Variants in ABCA4 observed in about 807,000 individuals in gnomAD.
ABCA4 encodes the protein ATP binding cassette subfamily A member 4, also known as retinal-specific phospholipid-transporting ATPase ABCA4.
A neutral mutation model predicts 263.7 loss-of-function variants in ABCA4; 196 were observed. The observed-to-expected ratio is 0.74, with a 90% CI of 0.66 to 0.84. The LOEUF is 0.84. Ranked by LOEUF, ABCA4 falls within the 40% of genes least tolerant of loss-of-function variation. The pLI, the probability that ABCA4 is intolerant of heterozygous loss-of-function variation, is 0.00. For synonymous variants in ABCA4, 1,133 were observed against 1,094.2 expected (o/e 1.04, Z -0.70); for missense variants, 2,792 against 2,855.1 (o/e 0.98, Z 0.50).
intron 9 of ABCA4, 43 bp downstream of exon 9, chr1:94,079,279 G>A (rs779767257): frequency 1.2e-6 from 2 of 1,604,528 alleles, no homozygotes; most frequent in East Asian, 2.2e-5. Context: ...ACACACTTCT[G>A]GGAGGTCCAG....
At chr1:94,019,375 C>T in intron 36 of ABCA4, 1 of 599,960 alleles carries the variant, frequency 1.7e-6, no homozygotes, top group Non-Finnish European at 2.9e-6. Context: ...CTGCACCCCA[C>T]AGCCTTTCCT....
chr1:94,057,088 C>T (rs946695229), intron 14 of ABCA4, among the ~76,000 whole-genome samples: 2 of 152,122 alleles, frequency 1.3e-5, no homozygotes, highest in Non-Finnish European at 2.9e-5. Context: ...GTTCCTACAT[C>T]AGCAAACCAA....
rs756091695 is a variant in ABCA4 at position 94,031,085 on chromosome 1, C to T, written c.4164G>A (p.Leu1388=). ...VLPATFVFLA[L]MLSIVIPPFG... ...AAGGAGGGATAACAATAGAAAGCAT[C>T]AGAGCCAAAAACACAAAGGTAGCCG... Residue 1388 remains leucine, a synonymous_variant, in exon 28 of 50, where the codon CTG becomes CTA. Coordinates refer to ENST00000370225, the MANE Select transcript of ABCA4 (RefSeq NM_000350.3). The T allele has an allele frequency of 1.2e-6, 2 of 1,614,118 alleles. No homozygotes were observed. The highest frequency in any genetic ancestry group is 4.5e-5 in the East Asian group (2 of 44,888).
At chr1:94,078,365 G>A (rs1283187279) in intron 10 of ABCA4, among the ~76,000 whole-genome samples, 2 of 152,148 alleles carry the variant, frequency 1.3e-5, no homozygotes, top group East Asian at 3.8e-4. Flanking sequence ...TGGTCTTGTG[G>A]CAGCTTTTAG....
chr1:94,113,367 A>T (rs764224557), intron 1 of ABCA4, among the ~76,000 whole-genome samples: 18 of 152,258 alleles, frequency 1.2e-4, no homozygotes, highest in Non-Finnish European at 5.9e-5. Flanking sequence ...AGTGCATTTT[A>T]GCTGTCACTA....
chr1:94,095,852 G>A (rs535239076), intron 6 of ABCA4, among the ~76,000 whole-genome samples: 3 of 150,940 alleles, frequency 2.0e-5, no homozygotes, highest in South Asian at 4.2e-4. Flanking sequence ...TCCTGCTTCG[G>A]TTGGATCTTT....
intron 3 of ABCA4, among the ~76,000 whole-genome samples, chr1:94,111,113 T>G (rs578184800): frequency 6.6e-6 from 1 of 152,308 alleles, no homozygotes; most frequent in East Asian, 1.9e-4. Flanking sequence ...CTACAATGAT[T>G]CACTCCACCC....
intron 11 of ABCA4, among the ~76,000 whole-genome samples, chr1:94,073,047 C>A (rs1211698794): frequency 1.3e-5 from 2 of 152,148 alleles, no homozygotes; most frequent in African/African-American, 4.8e-5. Context: ...AAGCAACATC[C>A]TTGCTTTCAG....
intron 11 of ABCA4, among the ~76,000 whole-genome samples, chr1:94,067,042 G>T (rs747369328): frequency 6.6e-6 from 1 of 152,140 alleles, no homozygotes; most frequent in Admixed American, 6.5e-5. Flanking sequence ...TGGCTTGTTC[G>T]CCGTGGTCTC....
rs61753055 is a variant in ABCA4, at chr1:94,080,649, C to G, written c.928G>C (p.Glu310Gln). Residue 310 changes from glutamate (E) to glutamine (Q), a missense_variant, in exon 8 of 50, where the codon GAG becomes CAG. Coordinates refer to ENST00000370225, the MANE Select transcript of ABCA4 (RefSeq NM_000350.3). ...ATGCCCATCAGCTTTGTAAAGGTCT[C>G]TGGACCACCATTCTGCATGAGGGGC... ...TRPLMQNGGPETFTKLMGILS... is the reference protein window; with the variant it reads ...TRPLMQNGGPQTFTKLMGILS... 1.2e-6 allele frequency: 2 copies of G among 1,614,054 alleles called. No homozygotes were observed. Among genetic ancestry groups the G allele is most frequent in the African/African-American group, 1.3e-5 (1 of 74,916 alleles).
chr1:94,009,021 G>T, intron 40 of ABCA4, 150 bp from the exon 41 acceptor site: 1 of 1,161,996 alleles, frequency 8.6e-7, no homozygotes. Context: ...GCTCCCAGCA[G>T]GAGAGGCATT....
At chr1:94,109,309 G>A (rs538728081) in intron 3 of ABCA4, among the ~76,000 whole-genome samples, 1 of 152,298 alleles carries the variant, frequency 6.6e-6, no homozygotes, top group South Asian at 2.1e-4. Flanking sequence ...TGACATTGGT[G>A]GATATCACTG....
chr1:93,995,340 G>T (rs1658970010), intron 49 of ABCA4, among the ~76,000 whole-genome samples: 1 of 152,216 alleles, frequency 6.6e-6, no homozygotes, highest in Non-Finnish European at 1.5e-5. Flanking sequence ...CTTGCTTCTT[G>T]ATTTGATTTG....
At chr1:94,038,190 G>A (rs939601392) in intron 24 of ABCA4, among the ~76,000 whole-genome samples, 2 of 152,184 alleles carry the variant, frequency 1.3e-5, no homozygotes, top group Admixed American at 6.5e-5. Flanking sequence ...GATATGCGGT[G>A]CGTATCATAG....
At chr1:94,055,031 G>T in intron 16 of ABCA4, 80 bp downstream of exon 16, 1 of 1,386,938 alleles carries the variant, frequency 7.2e-7, no homozygotes, top group Non-Finnish European at 1.0e-6. Context: ...TGGAAGAAAT[G>T]AAATTTAAAC....
Position 94,031,984 on chromosome 1 carries a change from C to G in ABCA4, c.3922G>C (p.Glu1308Gln), listed in dbSNP as rs1485892324. The G allele has an allele frequency of 1.2e-6, 2 of 1,614,000 alleles. No individual in the cohort carries two copies. Among genetic ancestry groups the G allele is most frequent in the Non-Finnish European group, 8.5e-7 (1 of 1,180,020 alleles). Residue 1308 changes from glutamate (E) to glutamine (Q), a missense_variant, in exon 27 of 50, where the codon GAG (glutamate) becomes CAG (glutamine). Glu to Gln is a conservative substitution (Grantham distance 29). Coordinates refer to ENST00000370225, the MANE Select transcript of ABCA4 (RefSeq NM_000350.3). ...NPRHPCLGPREKAGQTPQDSN... is the reference protein window; with the variant it reads ...NPRHPCLGPRQKAGQTPQDSN... Reference sequence around the variant, plus strand: ...TCCTGGGGTGTCTGTCCAGCCTTCTCTCTGGGACCCAAGCAGGGGTGTCGG... The same window carrying G: ...TCCTGGGGTGTCTGTCCAGCCTTCTGTCTGGGACCCAAGCAGGGGTGTCGG...
At chr1:94,056,344 C>T (rs1660976189) in intron 15 of ABCA4, among the ~76,000 whole-genome samples, 2 of 152,168 alleles carry the variant, frequency 1.3e-5, no homozygotes, top group South Asian at 2.1e-4. Context: ...ATAAAGGGAC[C>T]CATGAGTTGA....
At chr1:94,043,850 T>C (rs939108193) in intron 20 of ABCA4, among the ~76,000 whole-genome samples, 8 of 152,328 alleles carry the variant, frequency 5.3e-5, no homozygotes, top group African/African-American at 1.9e-4. Context: ...GTATATGTGT[T>C]TATCTATCTA....
chr1:94,118,342 C>T (rs972370940), intron 1 of ABCA4, among the ~76,000 whole-genome samples: 7 of 152,098 alleles, frequency 4.6e-5, no homozygotes, highest in Non-Finnish European at 1.0e-4. Flanking sequence ...GGATTGGGAG[C>T]TGAGGAATGA....
Sources: gnomAD v4.1 joint callset for allele counts (sites outside exome capture counted in the v4.1 genomes callset) on GRCh38, gnomAD v4.1.1 for gene constraint, MANE v1.5 for transcripts, NCBI Gene and HGNC (gene_info 2026-07-23, HGNC 2026-07-21) for gene names.